USP24: variants seen among roughly 807,000 people sequenced by gnomAD.
The protein encoded by USP24 is ubiquitin specific peptidase 24.
A neutral mutation model predicts 361.6 loss-of-function variants in USP24; 97 were observed. The observed-to-expected ratio is 0.27, with a 90% CI of 0.23 to 0.32. USP24 has a LOEUF of 0.32. USP24 is among the 10% of genes least tolerant of loss of function. USP24 has a pLI of 1.00. For synonymous variants in USP24, 1,098 were observed against 1,124.6 expected (o/e 0.98, Z 0.47); for missense variants, 2,353 against 3,165.6 (o/e 0.74, Z 6.16).
rs1047014927 is a variant in USP24 at position 55,093,888 on chromosome 1, T to G, written c.6354+49A>C. On this transcript the variant is annotated intron_variant, in intron 52 of 67. Transcript: ENST00000294383. ...ACTTCTGGACCTACTAGATACATTT[T>G]GATGTCCACGTGGATATTCCCCCTT... The G allele has an allele frequency of 5.0e-6, 8 of 1,607,778 alleles. No individual in the cohort carries two copies. The Admixed American group carries it at 1.2e-4, about 24-fold the overall frequency.
chr1:55,105,270 G>C lies in USP24; in HGVS notation c.4880+876C>G, dbSNP rs867505267. 3.3e-5 allele frequency among the ~76,000 whole-genome samples: 5 copies of C among 152,182 alleles called. No individual in the cohort carries two copies. The South Asian group carries it at 1.0e-3, about 32-fold the overall frequency. On this transcript the variant is annotated intron_variant, in intron 41 of 67. Coordinates refer to ENST00000294383, the MANE Select transcript of USP24 (RefSeq NM_015306.3). ...CAAAACAGGGCTGGGGTAGCAATGA[G>C]GATGGGAGTCACAGCCTGAGGAATA...
chr1:55,171,964 G>A (rs1261209908), intron 4 of USP24, among the ~76,000 whole-genome samples: 2 of 152,126 alleles, frequency 1.3e-5, no homozygotes, highest in African/African-American at 2.4e-5. Flanking sequence ...TAGGGCTACC[G>A]GGGATGAGAT....
At position 55,096,759 on chromosome 1, in the gene USP24, A is replaced by C. The variant is rs554317559; in HGVS notation, c.5937-137T>G. 1.6e-4 allele frequency: 220 copies of C among 1,400,168 alleles called. 1 individual carries two copies. In the African/African-American group the frequency reaches 2.6e-3, roughly 16 times the overall value. 86.7% of individuals were successfully genotyped at this position (1,400,168 alleles called of 1,614,324 possible). A position where few individuals can be genotyped will look rare whatever the true frequency, so the allele number is the denominator to read the frequency against. On this transcript the variant is annotated intron_variant, in intron 49 of 67. Coordinates refer to ENST00000294383, the MANE Select transcript of USP24 (RefSeq NM_015306.3). ...AAATATCTAAGAAATATGTAGCAAC[A>C]ATTATTTCAATTTCTAAAACAACTT...
intron 59 of USP24, among the ~76,000 whole-genome samples, chr1:55,079,917 C>G (rs1645114816): frequency 6.6e-6 from 1 of 152,048 alleles, no homozygotes; most frequent in Non-Finnish European, 1.5e-5. Flanking sequence ...ACACAGAGTA[C>G]TCGCACACAC....
chr1:55,140,810 C>T (rs1282958489), intron 24 of USP24, among the ~76,000 whole-genome samples: 3 of 152,152 alleles, frequency 2.0e-5, no homozygotes, highest in African/African-American at 7.2e-5. Flanking sequence ...TGCTTACCAG[C>T]AGAGGCTCAT....
Position 55,141,601 on chromosome 1 carries a change from C to A in USP24, c.2750+15G>T. Reference sequence around the variant, plus strand: ...ACATATGTGTGTTGTGTATTTTTCACTTCTGATCACTTACCTATAAGGAGA... The same window carrying A: ...ACATATGTGTGTTGTGTATTTTTCAATTCTGATCACTTACCTATAAGGAGA... On this transcript the variant is annotated intron_variant, in intron 24 of 67. Transcript: ENST00000294383. The A allele has an allele frequency of 1.9e-6, 3 of 1,598,976 alleles. No homozygotes were observed. The highest frequency in any genetic ancestry group is 2.6e-6 in the Non-Finnish European group (3 of 1,170,522).
intron 59 of USP24, 31 bp downstream of exon 59, chr1:55,081,291 A>C (rs765434947): frequency 6.3e-7 from 1 of 1,596,514 alleles, no homozygotes; most frequent in Admixed American, 1.7e-5. Flanking sequence ...CAAATTCAGT[A>C]TCTCTTCATT....
chr1:55,135,217 T>A (rs1228288333), intron 28 of USP24, among the ~76,000 whole-genome samples: 1 of 152,150 alleles, frequency 6.6e-6, no homozygotes, highest in African/African-American at 2.4e-5. Context: ...ACTCCTGGCC[T>A]CCAACAATCC....
At position 55,088,695 on chromosome 1, in the gene USP24, G is replaced by A. The variant is rs544296036; in HGVS notation, c.6668+932C>T. ...TGAAGGAGGAGCCCACTGGGGAATA[G>A]AGGAGACAGGACACCAGAGACCACG... On this transcript the variant is annotated intron_variant, in intron 55 of 67. Transcript: ENST00000294383. Among the ~76,000 whole-genome samples the A allele has an allele frequency of 1.5e-3, 229 of 152,248 alleles. 3 individuals carry two copies. The highest frequency in any genetic ancestry group is 2.2e-4 in the Non-Finnish European group (15 of 68,002).
In USP24 at chr1:55,093,941, T is replaced by C; in HGVS notation, c.6350A>G (p.Tyr2117Cys). Residue 2117 changes from tyrosine to cysteine, a missense_variant, in exon 52 of 68, where the codon TAC becomes TGC. By Grantham distance (194) the Tyr-to-Cys change is radical. Around this residue, in one of 8 missense-constraint regions of USP24, gnomAD observed 598 missense variants for 761.9 expected, o/e 0.78. Transcript: ENST00000294383. ...AATTTTTTATATGGTTCTTACCTGGTATATTCGAGCAGGCATTTTCTCCAC... is the reference window on the plus strand; with the variant it reads ...AATTTTTTATATGGTTCTTACCTGGCATATTCGAGCAGGCATTTTCTCCAC... ...LFVEKMPARI[Y>C]QMVRDENLKF... The C allele has an allele frequency of 6.2e-7, 1 of 1,613,712 alleles. No individual in the cohort carries two copies. The highest frequency in any genetic ancestry group is 8.5e-7 in the Non-Finnish European group (1 of 1,179,848).
In USP24 at chr1:55,137,580, C is replaced by G. The variant is rs1233989020; in HGVS notation, c.3136G>C (p.Asp1046His). The change falls in exon 28 of 68, where the codon GAT becomes CAT. Residue 1046 changes from aspartate to histidine, a missense_variant. Coordinates refer to ENST00000294383, the MANE Select transcript of USP24 (RefSeq NM_015306.3). The part of the protein sequence containing the change: ...GSGTPSGSSA[D>H]SSTSSSSSSS... Reference sequence around the variant, plus strand: ...CTGCTGCTGGAGCTGGTTGAAGAATCTGCTGAACTCCCAGATGGGGTCCCA... The same window carrying G: ...CTGCTGCTGGAGCTGGTTGAAGAATGTGCTGAACTCCCAGATGGGGTCCCA... The G allele has an allele frequency of 3.1e-6, 5 of 1,613,258 alleles. No homozygotes were observed. The highest frequency in any genetic ancestry group is 4.2e-6 in the Non-Finnish European group (5 of 1,179,650).
At chr1:55,090,801 G>A (rs564229661) in intron 54 of USP24, among the ~76,000 whole-genome samples, 5 of 152,270 alleles carry the variant, frequency 3.3e-5, no homozygotes, top group South Asian at 2.1e-4. Flanking sequence ...AACCGATGAC[G>A]AGGCCAGGCA....
rs765922430 is a variant in USP24, at chr1:55,098,054, G to A, written c.5484C>T (p.Leu1828=). The A allele has an allele frequency of 6.2e-7, 1 of 1,610,010 alleles. No individual in the cohort carries two copies. The highest frequency in any genetic ancestry group is 8.5e-7 in the Non-Finnish European group (1 of 1,178,742). The change falls in exon 47 of 68, where the codon CTC becomes CTT. Residue 1828 remains leucine, a synonymous_variant. Coordinates refer to ENST00000294383, the MANE Select transcript of USP24 (RefSeq NM_015306.3). ...TCTGACAAGAAGTCACTCCTAGATT[G>A]AGAGCCATGAAAGCTTCTTCACGCT... is the stretch of plus-strand genomic sequence containing the variant. ...RYEREEAFMA[L]NLGVTSCQSL...
Position 55,094,033 on chromosome 1 carries a change from C to T in USP24, c.6258G>A (p.Arg2086=), listed in dbSNP as rs369979325. Residue 2086 remains arginine, a synonymous_variant, in exon 52 of 68, where the codon AGG becomes AGA. Transcript: ENST00000294383. The part of the protein sequence containing the change: ...ISPQSSPRPH[R]PNNDRLSILT... ...GAATAGACAGCCGGTCATTGTTCGG[C>T]CTATGGGGCCGAGGGGATGACTGAG... The T allele has an allele frequency of 7.7e-5, 124 of 1,613,588 alleles. No individual in the cohort carries two copies. The highest frequency in any genetic ancestry group is 1.0e-4 in the Non-Finnish European group (118 of 1,179,800).
intron 7 of USP24, among the ~76,000 whole-genome samples, chr1:55,164,999 T>C (rs1025812912): frequency 6.6e-6 from 1 of 152,108 alleles, no homozygotes; most frequent in Non-Finnish European, 1.5e-5. Context: ...GTCTGTGATA[T>C]GGCAGACATC....
At chr1:55,131,714 C>A (rs1646596234) in intron 31 of USP24, among the ~76,000 whole-genome samples, 1 of 152,058 alleles carries the variant, frequency 6.6e-6, no homozygotes, top group African/African-American at 2.4e-5. Context: ...TGAAATGAAA[C>A]TTGGAAAAAA....
chr1:55,175,548 G>A (rs1230343626), intron 3 of USP24, among the ~76,000 whole-genome samples: 11 of 152,104 alleles, frequency 7.2e-5, no homozygotes, highest in Admixed American at 1.3e-4. Context: ...TAAGATAAAC[G>A]CAAACATTAC....
intron 56 of USP24, 138 bp downstream of exon 56, chr1:55,085,804 C>G: frequency 2.6e-6 from 2 of 780,232 alleles, no homozygotes; most frequent in Admixed American, 2.7e-5. Flanking sequence ...CTGGCATGTA[C>G]CAAAAATCAG....
intron 1 of USP24, among the ~76,000 whole-genome samples, chr1:55,198,566 T>A (rs1380502724): frequency 6.6e-6 from 1 of 152,216 alleles, no homozygotes; most frequent in African/African-American, 2.4e-5. Flanking sequence ...TCAGCATCCC[T>A]GGCCAGTAGC....
Sources: allele counts gnomAD v4.1 joint callset (sites outside exome capture counted in the v4.1 genomes callset), GRCh38; gene constraint gnomAD v4.1.1; regional missense constraint gnomAD v4.1.1; transcripts MANE v1.5; gene names NCBI Gene and HGNC (gene_info 2026-07-23, HGNC 2026-07-21).